Variants in SLC4A4 observed in about 807,000 individuals in gnomAD.
The protein encoded by SLC4A4 is solute carrier family 4 member 4, also known as electrogenic sodium bicarbonate cotransporter 1.
A neutral mutation model predicts 111.5 loss-of-function variants in SLC4A4; 27 were observed. The ratio of observed to expected loss-of-function variants is 0.24; its 90% CI spans 0.18 to 0.33. The LOEUF (loss-of-function observed/expected upper bound fraction) is 0.33, where lower values mean the gene tolerates loss of function less well. SLC4A4 is among the 10% of genes least tolerant of loss of function. The probability of loss-of-function intolerance (pLI) is 1.00; values close to 1 mark genes in which losing one functional copy is unlikely to be tolerated. For synonymous variants in SLC4A4, 443 were observed against 463.4 expected, an observed-to-expected ratio of 0.96 and a Z score of 0.57; for missense variants, 909 against 1,315.5, an observed-to-expected ratio of 0.69 and a Z score of 4.78.
At chr4:71,111,197 A>G (rs1743074748) in intron 2 of SLC4A4, among the ~76,000 whole-genome samples, 1 of 152,140 alleles carries the variant, frequency 6.6e-6, no homozygotes. Context: ...CATGCTGAAA[A>G]TATCCTGTGT....
intron 1 of SLC4A4, among the ~76,000 whole-genome samples, chr4:71,213,417 C>G (rs781231685): frequency 1.2e-4 from 19 of 152,306 alleles, no homozygotes; most frequent in Middle Eastern, 3.4e-3. Context: ...CAAGAAAGCT[C>G]TGCTTTCAGG....
At chr4:71,519,309 T>C (rs962185237) in intron 16 of SLC4A4, among the ~76,000 whole-genome samples, 2 of 152,218 alleles carry the variant, frequency 1.3e-5, no homozygotes, top group Admixed American at 1.3e-4. Context: ...TCTTCAGACT[T>C]AAAGAAATTC....
At chr4:71,087,451 G>A (rs1270052777) in intron 1 of SLC4A4, among the ~76,000 whole-genome samples, 1 of 151,802 alleles carries the variant, frequency 6.6e-6, no homozygotes, top group Non-Finnish European at 1.5e-5. Context: ...TGCTAGCTTT[G>A]GAATGTGTTT....
At chr4:71,087,310 T>C (rs1413229926) in intron 1 of SLC4A4, among the ~76,000 whole-genome samples, 1 of 152,030 alleles carries the variant, frequency 6.6e-6, no homozygotes. Context: ...TCTTTATTAG[T>C]CTTGCTAGCA....
At chr4:71,477,493 T>C (rs1251544499) in intron 14 of SLC4A4, among the ~76,000 whole-genome samples, 4 of 151,762 alleles carry the variant, frequency 2.6e-5, no homozygotes, top group Non-Finnish European at 5.9e-5. Flanking sequence ...TAGATAAATA[T>C]GAAACATTGA....
chr4:71,443,426 A>G (rs1170335311), intron 8 of SLC4A4, among the ~76,000 whole-genome samples: 1 of 151,994 alleles, frequency 6.6e-6, no homozygotes, highest in Non-Finnish European at 1.5e-5. Flanking sequence ...CTGGGATTAC[A>G]GGCATGAGCC....
chr4:71,413,311 T>C (rs1184387095), intron 7 of SLC4A4, among the ~76,000 whole-genome samples: 1 of 152,230 alleles, frequency 6.6e-6, no homozygotes, highest in Non-Finnish European at 1.5e-5. Context: ...AGACCTAGTT[T>C]AATTGTTTCC....
At chr4:71,565,350 T>A (rs1432425905) in intron 24 of SLC4A4, among the ~76,000 whole-genome samples, 1 of 151,752 alleles carries the variant, frequency 6.6e-6, no homozygotes, top group African/African-American at 2.4e-5. Flanking sequence ...GAGGGACCGA[T>A]GGTCTTTTTT....
intron 12 of SLC4A4, among the ~76,000 whole-genome samples, chr4:71,457,706 T>C (rs888496585): frequency 6.6e-6 from 1 of 152,086 alleles, no homozygotes; most frequent in African/African-American, 2.4e-5. Context: ...AAATAACGTG[T>C]CCCCTTCATA....
At chr4:71,167,327 C>G (rs1744804579) in intron 2 of SLC4A4, among the ~76,000 whole-genome samples, 1 of 152,194 alleles carries the variant, frequency 6.6e-6, no homozygotes, top group African/African-American at 2.4e-5. Flanking sequence ...AGTCTCCAAG[C>G]ATGGCTATTC....
At chr4:71,562,366 T>C (rs1274386547) in intron 23 of SLC4A4, among the ~76,000 whole-genome samples, 1 of 151,766 alleles carries the variant, frequency 6.6e-6, no homozygotes, top group Admixed American at 6.6e-5. Flanking sequence ...GTTTACTTTT[T>C]AGTCATAGGG....
chr4:71,068,216 C>A (rs1201909084), intron 1 of SLC4A4, among the ~76,000 whole-genome samples: 1 of 151,920 alleles, frequency 6.6e-6, no homozygotes, highest in Non-Finnish European at 1.5e-5. Flanking sequence ...AGGCAAGTGC[C>A]ACCACATCTA....
intron 6 of SLC4A4, 93 bp downstream of exon 6, chr4:71,357,280 T>C: frequency 3.8e-6 from 5 of 1,326,198 alleles, no homozygotes; most frequent in Non-Finnish European, 5.4e-6. Context: ...CCCTTCTCCA[T>C]ATTTTTTCTT....
At chr4:71,471,850 A>G (rs1264152759) in intron 13 of SLC4A4, among the ~76,000 whole-genome samples, 1 of 151,928 alleles carries the variant, frequency 6.6e-6, no homozygotes, top group Non-Finnish European at 1.5e-5. Flanking sequence ...CTGCTGTGGG[A>G]CAAACACAGA....
intron 3 of SLC4A4, among the ~76,000 whole-genome samples, chr4:71,269,215 G>A (rs1578718216): frequency 6.6e-6 from 1 of 152,060 alleles, no homozygotes; most frequent in East Asian, 1.9e-4. Context: ...TCCAAAGCTG[G>A]GTATATTCAA....
chr4:71,096,828 T>C (rs751750003), intron 2 of SLC4A4, among the ~76,000 whole-genome samples: 11 of 152,188 alleles, frequency 7.2e-5, no homozygotes, highest in Non-Finnish European at 1.5e-4. Context: ...GGCATTGTCG[T>C]TGGATCTTTT....
chr4:71,128,481 G>T (rs1743618208), intron 2 of SLC4A4, among the ~76,000 whole-genome samples: 1 of 152,026 alleles, frequency 6.6e-6, no homozygotes. Context: ...AAAAAATTGG[G>T]GTATCAAAGA....
chr4:71,403,750 A>T (rs758055675), intron 7 of SLC4A4, among the ~76,000 whole-genome samples: 1 of 151,938 alleles, frequency 6.6e-6, no homozygotes, highest in African/African-American at 2.4e-5. Context: ...GCGGTGAGAC[A>T]CTCTCTTAGG....
chr4:71,515,270 T>G (rs1348202781), intron 16 of SLC4A4, among the ~76,000 whole-genome samples: 2 of 152,116 alleles, frequency 1.3e-5, no homozygotes, highest in African/African-American at 4.8e-5. Flanking sequence ...TTCTATATAT[T>G]TTTATAAATT....
Sources: allele counts gnomAD v4.1 joint callset (sites outside exome capture counted in the v4.1 genomes callset), GRCh38; gene constraint gnomAD v4.1.1; transcripts MANE v1.5; gene names NCBI Gene and HGNC (gene_info 2026-07-23, HGNC 2026-07-21).